HMCN1: variants seen among roughly 807,000 people sequenced by gnomAD.
The protein encoded by HMCN1 is hemicentin 1, also known as hemicentin-1.
HMCN1 carries 321 observed loss-of-function variants against 625.9 expected under a neutral mutation model. The ratio of observed to expected loss-of-function variants is 0.51; its 90% CI spans 0.47 to 0.56. The LOEUF (loss-of-function observed/expected upper bound fraction) is 0.56. HMCN1 is among the 20% of genes least tolerant of loss of function. The pLI, the probability that HMCN1 is intolerant of heterozygous loss-of-function variation, is 0.00. For synonymous variants in HMCN1, 2,425 were observed against 2,417.6 expected (o/e 1.00, Z -0.09); for missense variants, 6,588 against 6,887.3 (o/e 0.96, Z 1.54).
At position 186,130,602 on chromosome 1, in the gene HMCN1, C is replaced by G; in HGVS notation, c.13135C>G (p.Pro4379Ala). 3 of 1,613,570 alleles carry G rather than the reference C, an allele frequency of 1.9e-6. No homozygotes were observed. The highest frequency in any genetic ancestry group is 4.5e-5 in the East Asian group (2 of 44,868). ...LNCEVKGDPT[P>A]TIQWNRKGVD... Reference sequence around the variant, plus strand: ...TTGTGAGGTGAAAGGAGACCCCACCCCAACCATCCAGTGGAACAGAAAGGG... The same window carrying G: ...TTGTGAGGTGAAAGGAGACCCCACCGCAACCATCCAGTGGAACAGAAAGGG... The change falls in exon 85 of 107, where the codon CCA (proline) becomes GCA (alanine). Residue 4379 changes from proline (P) to alanine (A), a missense_variant. This residue lies in a region of HMCN1 where 1,954 missense variants were observed against 2,013.1 expected (regional missense o/e 0.97). Coordinates refer to ENST00000271588, the MANE Select transcript of HMCN1 (RefSeq NM_031935.3).
chr1:185,939,164 G>A (rs1667964503), intron 11 of HMCN1, among the ~76,000 whole-genome samples: 1 of 152,142 alleles, frequency 6.6e-6, no homozygotes, highest in Non-Finnish European at 1.5e-5. Context: ...CTATTATCAG[G>A]TTCATTACCA....
chr1:186,010,220 G>T (rs981502358), intron 30 of HMCN1, among the ~76,000 whole-genome samples: 2 of 151,808 alleles, frequency 1.3e-5, no homozygotes, highest in Non-Finnish European at 2.9e-5. Context: ...TGTGTGTGTG[G>T]GGGTACATGG....
intron 40 of HMCN1, among the ~76,000 whole-genome samples, chr1:186,044,145 T>C (rs1656394198): frequency 6.6e-6 from 1 of 152,212 alleles, no homozygotes; most frequent in Admixed American, 6.5e-5. Context: ...ATAGTAGTTT[T>C]AGTCTCAGAA....
intron 1 of HMCN1, among the ~76,000 whole-genome samples, chr1:185,761,623 A>G (rs1292814782): frequency 2.0e-5 from 3 of 152,164 alleles, no homozygotes; most frequent in South Asian, 4.1e-4. Context: ...TGACAACTGT[A>G]TTTTATCTAG....
intron 36 of HMCN1, among the ~76,000 whole-genome samples, chr1:186,036,798 G>A (rs1427725372): frequency 6.6e-6 from 1 of 151,638 alleles, no homozygotes; most frequent in African/African-American, 2.4e-5. Context: ...CACCATGTTG[G>A]CCAGGCTGGT....
At chr1:185,921,042 T>A (rs1312304575) in intron 6 of HMCN1, among the ~76,000 whole-genome samples, 2 of 152,156 alleles carry the variant, frequency 1.3e-5, no homozygotes, top group Non-Finnish European at 2.9e-5. Flanking sequence ...AAATCCCTGA[T>A]TTAAAATTGA....
chr1:185,989,704 A>G lies in HMCN1; in HGVS notation c.3208+57A>G, dbSNP rs531895452. ...ACATTGTCTATCTGTGCCAAAACTC[A>G]CAGTTCTTTCCCCAATACTGTTACC... On this transcript the variant is annotated intron_variant, in intron 21 of 106. Coordinates refer to ENST00000271588, the MANE Select transcript of HMCN1 (RefSeq NM_031935.3). 2.3e-4 allele frequency: 360 copies of G among 1,557,594 alleles called. 4 individuals are homozygous for G. Among genetic ancestry groups the G allele is most frequent in the South Asian group, 2.0e-3 (175 of 88,872 alleles).
chr1:185,989,927 C>T (rs954428505), intron 21 of HMCN1, among the ~76,000 whole-genome samples: 14 of 152,228 alleles, frequency 9.2e-5, no homozygotes, highest in Admixed American at 4.6e-4. Context: ...ACCCAACCCT[C>T]TTCAGTAACA....
intron 68 of HMCN1, among the ~76,000 whole-genome samples, chr1:186,102,467 C>T (rs1327997104): frequency 6.6e-6 from 1 of 151,982 alleles, no homozygotes; most frequent in African/African-American, 2.4e-5. Context: ...AAAATAGATA[C>T]AGAAACACAC....
At chr1:186,101,747 C>T (rs181783363) in intron 68 of HMCN1, among the ~76,000 whole-genome samples, 7 of 151,858 alleles carry the variant, frequency 4.6e-5, no homozygotes, top group African/African-American at 1.5e-4. Flanking sequence ...AGTGAGCATG[C>T]CTTATTAATC....
chr1:186,091,052 A>G (rs1343829690), intron 64 of HMCN1, 135 bp downstream of exon 64: 7 of 1,035,744 alleles, frequency 6.8e-6, no homozygotes, highest in Non-Finnish European at 9.9e-6. Flanking sequence ...ACAAAGAAAC[A>G]AAAAACTTTT....
intron 55 of HMCN1, among the ~76,000 whole-genome samples, chr1:186,079,410 T>G (rs554688508): frequency 2.0e-5 from 3 of 152,212 alleles, no homozygotes; most frequent in Non-Finnish European, 2.9e-5. Context: ...TGTCAAGCCA[T>G]GCTATGCCAT....
intron 97 of HMCN1, among the ~76,000 whole-genome samples, chr1:186,155,647 G>A (rs1021888556): frequency 6.6e-6 from 1 of 152,138 alleles, no homozygotes; most frequent in African/African-American, 2.4e-5. Flanking sequence ...AAGTGTGTTT[G>A]TTGGGGGATC....
At chr1:186,010,055 C>T (rs959811360) in intron 30 of HMCN1, among the ~76,000 whole-genome samples, 16 of 152,082 alleles carry the variant, frequency 1.1e-4, no homozygotes, top group African/African-American at 3.4e-4. Context: ...AATGCTTGCT[C>T]GTCCGTCACC....
At chr1:185,830,008 CT>C (rs1366617297) in intron 1 of HMCN1, among the ~76,000 whole-genome samples, 2 of 152,096 alleles carry the variant, frequency 1.3e-5, no homozygotes, top group African/African-American at 2.4e-5. Context: ...TGATGTTGAG[CT>C]TTTTTTCATG....
intron 52 of HMCN1, 107 bp downstream of exon 52, chr1:186,070,864 CT>C: frequency 8.7e-7 from 1 of 1,149,528 alleles, no homozygotes; most frequent in Non-Finnish European, 1.3e-6. Context: ...TCAATGTGAT[CT>C]TAAAACTAGC....
chr1:185,891,862 T>A (rs1276700689), intron 4 of HMCN1, among the ~76,000 whole-genome samples: 1 of 147,938 alleles, frequency 6.8e-6, no homozygotes, highest in Non-Finnish European at 1.5e-5. Context: ...TGGCCTGCCT[T>A]GCTAGATTGG....
chr1:186,053,724 T>G lies in HMCN1; in HGVS notation c.6701-101T>G, dbSNP rs1230806535. On this transcript the variant is annotated intron_variant, in intron 43 of 106. Coordinates refer to ENST00000271588, the MANE Select transcript of HMCN1 (RefSeq NM_031935.3). Reference sequence around the variant, plus strand: ...GGATTATTTTACAGTGTCATTTGCCTTTTATATACTTGAACTGAATAAACA... The same window carrying G: ...GGATTATTTTACAGTGTCATTTGCCGTTTATATACTTGAACTGAATAAACA... 16 of 1,207,168 alleles carry G rather than the reference T, an allele frequency of 1.3e-5. No homozygotes were observed. The East Asian group carries it at 3.4e-4, about 25-fold the overall frequency. The allele number at this position is 1,207,168 out of a possible 1,614,324, so 74.8% of individuals were successfully genotyped here.
intron 2 of HMCN1, among the ~76,000 whole-genome samples, chr1:185,860,524 G>A (rs995225117): frequency 6.6e-6 from 1 of 151,974 alleles, no homozygotes; most frequent in East Asian, 1.9e-4. Flanking sequence ...TGCCCAGGCT[G>A]GAAGGGAATT....
Sources: gnomAD v4.1 joint callset for allele counts (sites outside exome capture counted in the v4.1 genomes callset) on GRCh38, gnomAD v4.1.1 for gene constraint, gnomAD v4.1.1 regional missense constraint, MANE v1.5 for transcripts, NCBI Gene and HGNC (gene_info 2026-07-23, HGNC 2026-07-21) for gene names.